Variants in CEP120 observed in about 807,000 individuals in gnomAD.
CEP120 encodes centrosomal protein 120, also known as centrosomal protein of 120 kDa.
A neutral mutation model predicts 126.5 loss-of-function variants in CEP120; 113 were observed. That is an observed-to-expected ratio of 0.89 (90% CI 0.77 to 1.04). The LOEUF (loss-of-function observed/expected upper bound fraction) is 1.04, where lower values mean the gene tolerates loss of function less well. CEP120 is among the 50% of genes least tolerant of loss of function. The pLI is 0.00. For synonymous variants in CEP120, 400 were observed against 394.3 expected, an observed-to-expected ratio of 1.01 and a Z score of -0.17; for missense variants, 1,230 against 1,155.7, an observed-to-expected ratio of 1.06 and a Z score of -0.93.
At chr5:123,398,453 T>C (rs1477476774) in intron 5 of CEP120, among the ~76,000 whole-genome samples, 1 of 152,210 alleles carries the variant, frequency 6.6e-6, no homozygotes, top group Non-Finnish European at 1.5e-5. Flanking sequence ...TGTGTCTTCC[T>C]GGACAAAGAC....
rs76942218 is a variant in CEP120 at position 123,378,440 on chromosome 5, T to TA, written c.2104-13dup. 36,467 of 1,060,530 alleles carry TA rather than the reference T, an allele frequency of 0.034. 239 individuals are homozygous for TA. The highest frequency in any genetic ancestry group is 0.12 in the African/African-American group (6,065 of 49,218). 65.7% of individuals were successfully genotyped at this position (1,060,530 alleles called of 1,614,324 possible). A position where few individuals can be genotyped will look rare whatever the true frequency, so the allele number is the denominator to read the frequency against. On this transcript the variant is annotated splice_polypyrimidine_tract_variant and intron_variant, in intron 14 of 19. Transcript: ENST00000306467. ...GTATATTCAGCCACCTAAAATATAG[T>TA]AAAAAAAAAAAAAAAAAAGTTACCT...
At chr5:123,355,562 T>G (rs1769537291) in intron 18 of CEP120, among the ~76,000 whole-genome samples, 1 of 152,202 alleles carries the variant, frequency 6.6e-6, no homozygotes, top group Non-Finnish European at 1.5e-5. Context: ...TTTCATGTGT[T>G]TTTTGACTGC....
rs1773208674 is a variant in CEP120, at chr5:123,401,244, A to G, written c.464-1960T>C. ...CTGGTACTCACGCAGCTGCCACGCCATGTCCTGCTTGGCCCGCTGCAGGGC... is the reference window on the plus strand; with the variant it reads ...CTGGTACTCACGCAGCTGCCACGCCGTGTCCTGCTTGGCCCGCTGCAGGGC... On this transcript the variant is annotated intron_variant, in intron 4 of 19. Transcript: ENST00000306467. 6 of 1,612,070 alleles carry G rather than the reference A, an allele frequency of 3.7e-6. No homozygotes were observed. In the South Asian group the frequency reaches 6.6e-5, roughly 18 times the overall value.
chr5:123,393,321 C>T lies in CEP120; in HGVS notation c.789G>A (p.Leu263=). 2 of 1,614,088 alleles carry T rather than the reference C, an allele frequency of 1.2e-6. No individual in the cohort carries two copies. Among genetic ancestry groups the T allele is most frequent in the Non-Finnish European group, 1.7e-6 (2 of 1,179,998 alleles). Reference sequence around the variant, plus strand: ...TCACCTGCAGTTTAGACTGAAGAGCCAGGTAAACACGAAGAATTTCTACAC... The same window carrying T: ...TCACCTGCAGTTTAGACTGAAGAGCTAGGTAAACACGAAGAATTTCTACAC... The part of the protein sequence containing the change: ...RSSVEILRVY[L]ALQSKLQIHL... Residue 263 remains leucine, a synonymous_variant, in exon 6 of 20, where the codon CTG becomes CTA. Coordinates refer to ENST00000306467, the MANE Select transcript of CEP120 (RefSeq NM_001375405.1).
chr5:123,352,532 T>G (rs1297766311), intron 18 of CEP120, among the ~76,000 whole-genome samples: 2 of 152,052 alleles, frequency 1.3e-5, no homozygotes, highest in Admixed American at 1.3e-4. Flanking sequence ...TTTTTGTTTC[T>G]GGATGCTCTA....
chr5:123,372,701 G>A lies in CEP120; in HGVS notation c.2430C>T (p.Asn810=). ...CAGACTGTAGACGGATTTCTGGTTT[G>A]TTGTTTTGCTGGTCCTTGAACTGTT... The part of the protein sequence containing the change: ...EFQQFKDQQN[N]KPEIRLQSEI... Residue 810 remains asparagine, a synonymous_variant, in exon 17 of 20, where the codon AAC becomes AAT. Transcript: ENST00000306467. The A allele has an allele frequency of 6.2e-7, 1 of 1,611,544 alleles. No individual in the cohort carries two copies.
rs753847500 is a variant in CEP120 at position 123,423,014 on chromosome 5, T to C, written c.-16A>G. 6.2e-7 allele frequency: 1 copy of C among 1,613,466 alleles called. No individual in the cohort carries two copies. ...TGGAGACCATGGTTGCGGTGAGCGGTCCGGGGGCGAAGGCGGCTGGGGGGA... is the reference window on the plus strand; with the variant it reads ...TGGAGACCATGGTTGCGGTGAGCGGCCCGGGGGCGAAGGCGGCTGGGGGGA... On this transcript the variant is annotated 5_prime_UTR_variant, in exon 1 of 20. Coordinates refer to ENST00000306467, the MANE Select transcript of CEP120 (RefSeq NM_001375405.1).
chr5:123,377,271 T>G (rs1771297981), intron 16 of CEP120, 103 bp downstream of exon 16: 1 of 1,050,822 alleles, frequency 9.5e-7, no homozygotes, highest in African/African-American at 1.6e-5. Flanking sequence ...ATAGTCTAAA[T>G]TACTATGAAT....
At chr5:123,386,860 T>TA (rs1772066942) in intron 9 of CEP120, among the ~76,000 whole-genome samples, 193 bp from the exon 10 acceptor site, 1 of 152,240 alleles carries the variant, frequency 6.6e-6, no homozygotes, top group Admixed American at 6.5e-5. Context: ...CTACCTTTTT[T>TA]ATCTCTGCAC....
chr5:123,379,976 G>A (rs901780760), intron 14 of CEP120, among the ~76,000 whole-genome samples: 2 of 152,022 alleles, frequency 1.3e-5, no homozygotes, highest in Non-Finnish European at 2.9e-5. Flanking sequence ...CTATCTGACA[G>A]GCAGTCATAT....
At chr5:123,395,681 CTT>C (rs369612860) in intron 5 of CEP120, among the ~76,000 whole-genome samples, 45,268 of 126,202 alleles carry the variant, frequency 0.36, 6,745 homozygotes, top group East Asian at 0.43. Context: ...TACTTCATTC[CTT>C]TTTTTTTTTT....
Position 123,347,418 on chromosome 5 carries a change from T to C in CEP120, c.2727-665A>G, listed in dbSNP as rs536243834. ...CCAAGAAAAAAATTCCCTACTATTA[T>C]GGAGTTGAGTTGTATCTCTATTTGT... On this transcript the variant is annotated intron_variant, in intron 19 of 19. Coordinates refer to ENST00000306467, the MANE Select transcript of CEP120 (RefSeq NM_001375405.1). Among the ~76,000 whole-genome samples, 3 of 152,300 alleles carry C rather than the reference T, an allele frequency of 2.0e-5. No homozygotes were observed. The South Asian group carries it at 6.2e-4, about 32-fold the overall frequency.
chr5:123,364,869 ATATATAT>A (rs907749041), intron 17 of CEP120, among the ~76,000 whole-genome samples: 4 of 151,664 alleles, frequency 2.6e-5, no homozygotes, highest in African/African-American at 9.7e-5. Context: ...GTATTTAAAC[ATATATAT>A]TATATAAAGA....
chr5:123,376,943 T>C lies in CEP120; in HGVS notation c.2358+431A>G, dbSNP rs528211190. The stretch of plus-strand genomic sequence containing the variant: ...AAAGGTAGAGAAAAACAAGGGAGAG[T>C]GGTGATGTGGAAGTTGAGAAGAGAA... On this transcript the variant is annotated intron_variant, in intron 16 of 19. Transcript: ENST00000306467. Among the ~76,000 whole-genome samples the C allele has an allele frequency of 1.2e-4, 18 of 149,496 alleles. No individual in the cohort carries two copies. In the South Asian group the frequency reaches 2.3e-3, roughly 19 times the overall value.
intron 3 of CEP120, 76 bp from the exon 4 acceptor site, chr5:123,412,616 T>C: frequency 9.9e-7 from 1 of 1,008,952 alleles, no homozygotes; most frequent in Non-Finnish European, 1.3e-6. Context: ...TATACAGTTC[T>C]AAATAAATTT....
At chr5:123,407,114 A>AC (rs1257379626) in intron 4 of CEP120, among the ~76,000 whole-genome samples, 2 of 151,168 alleles carry the variant, frequency 1.3e-5, no homozygotes, top group Non-Finnish European at 3.0e-5. Flanking sequence ...GTAAAAAAAA[A>AC]AAAAACAAAA....
At chr5:123,386,752 A>G (rs899870967) in intron 9 of CEP120, 85 bp from the exon 10 acceptor site, 1 of 1,019,830 alleles carries the variant, frequency 9.8e-7, no homozygotes, top group Middle Eastern at 3.4e-4. Context: ...AGAAAAAAGT[A>G]TAATATGAAT....
intron 17 of CEP120, among the ~76,000 whole-genome samples, chr5:123,369,730 C>A (rs1400942692): frequency 6.6e-6 from 1 of 152,032 alleles, no homozygotes; most frequent in Non-Finnish European, 1.5e-5. Context: ...GGGGTGGTAT[C>A]TATTCCTGAC....
chr5:123,379,591 A>G (rs567831485), intron 14 of CEP120, among the ~76,000 whole-genome samples: 21 of 152,136 alleles, frequency 1.4e-4, no homozygotes, highest in Middle Eastern at 3.4e-3. Flanking sequence ...CCAATAATGG[A>G]TCACTTAGGG....
Sources: allele counts gnomAD v4.1 joint callset (sites outside exome capture counted in the v4.1 genomes callset), GRCh38; gene constraint gnomAD v4.1.1; transcripts MANE v1.5; gene names NCBI Gene and HGNC (gene_info 2026-07-23, HGNC 2026-07-21).